The following ABCA9 variants were observed in gnomAD, a reference collection of about 807,000 sequenced individuals.
The protein encoded by ABCA9 is ATP-binding cassette sub-family A member 9.
A neutral mutation model predicts 205.3 loss-of-function variants in ABCA9; 183 were observed. That is an observed-to-expected ratio of 0.89 (90% CI 0.79 to 1.01). ABCA9 has a LOEUF of 1.01. Among genes scored for constraint, ABCA9 ranks in the 50% least tolerant of loss-of-function variants. ABCA9 has a pLI of 0.00. For missense variants in ABCA9, 1,805 were observed against 1,912.4 expected (o/e 0.94, Z 1.05); for synonymous variants, 651 against 683.3 (o/e 0.95, Z 0.74).
chr17:68,988,000 G>A (rs1422347359), intron 31 of ABCA9, among the ~76,000 whole-genome samples: 1 of 152,164 alleles, frequency 6.6e-6, no homozygotes, highest in African/African-American at 2.4e-5. Flanking sequence ...CTGACCTCAG[G>A]TGATCTGCCT....
At chr17:69,003,812 G>C (rs1424410931) in intron 25 of ABCA9, among the ~76,000 whole-genome samples, 8 of 152,048 alleles carry the variant, frequency 5.3e-5, no homozygotes, top group Middle Eastern at 3.4e-3. Flanking sequence ...AGGTTTTGCT[G>C]ATTTCTTTTT....
In ABCA9 at chr17:68,981,835, CAAAA is replaced by C. The variant is rs398041827; in HGVS notation, c.4720+723_4720+726del. On this transcript the variant is annotated intron_variant, in intron 37 of 38. Transcript: ENST00000340001. Reference sequence around the variant, plus strand: ...CTGGCGACAAAGGAAAACTCTTTCTCAAAAAAAAAAAAAAAAAAAAAAAAAGCTA... The same window carrying C: ...CTGGCGACAAAGGAAAACTCTTTCTCAAAAAAAAAAAAAAAAAAAAAGCTA... 4.4e-3 allele frequency among the ~76,000 whole-genome samples: 226 copies of C among 51,646 alleles called. 1 individual carries two copies. Among genetic ancestry groups the C allele is most frequent in the African/African-American group, 0.019 (211 of 11,190 alleles). 33.9% of individuals were successfully genotyped at this position (51,646 alleles called of 152,430 possible). A position where few individuals can be genotyped will look rare whatever the true frequency, so the allele number is the denominator to read the frequency against.
At chr17:68,981,551 G>A (rs1237482350) in intron 37 of ABCA9, among the ~76,000 whole-genome samples, 1 of 152,072 alleles carries the variant, frequency 6.6e-6, no homozygotes, top group Admixed American at 6.5e-5. Flanking sequence ...CACAGGGTGA[G>A]GTTGACCAAC....
At chr17:69,000,612 T>C (rs1304408210) in intron 25 of ABCA9, among the ~76,000 whole-genome samples, 17 of 147,038 alleles carry the variant, frequency 1.2e-4, no homozygotes, top group Admixed American at 6.7e-5. Context: ...TGATGTGGGC[T>C]CTTTTTTGGT....
At chr17:68,996,059 G>A (rs1305915994) in intron 25 of ABCA9, 45 bp from the exon 26 acceptor site, 1 of 1,572,650 alleles carries the variant, frequency 6.4e-7, no homozygotes, top group Non-Finnish European at 8.6e-7. Context: ...GTACCAATCT[G>A]AATTTTAGGA....
intron 25 of ABCA9, among the ~76,000 whole-genome samples, chr17:69,005,043 C>T (rs2070072704): frequency 6.6e-6 from 1 of 152,190 alleles, no homozygotes; most frequent in African/African-American, 2.4e-5. Context: ...GTGAGATGAA[C>T]CCGCTACCTC....
intron 37 of ABCA9, among the ~76,000 whole-genome samples, chr17:68,982,179 C>T (rs1374411214): frequency 6.6e-6 from 1 of 152,184 alleles, no homozygotes; most frequent in Non-Finnish European, 1.5e-5. Flanking sequence ...TAATCTACCG[C>T]TGAATGTACA....
At chr17:69,005,215 G>T (rs1321249962) in intron 25 of ABCA9, among the ~76,000 whole-genome samples, 1 of 152,170 alleles carries the variant, frequency 6.6e-6, no homozygotes, top group Non-Finnish European at 1.5e-5. Flanking sequence ...TACCTTTGAA[G>T]CCTGGAGGCC....
chr17:68,985,045 G>C lies in ABCA9; in HGVS notation c.4284+8C>G. On this transcript the variant is annotated splice_region_variant and intron_variant, in intron 33 of 38. Transcript: ENST00000340001. The stretch of plus-strand genomic sequence containing the variant: ...CACTTGCAGAGCAACAACAAGCCCT[G>C]CCCGTACCTTTCGCTTTATTCCCTC... 1 of 1,614,192 alleles carries C rather than the reference G, an allele frequency of 6.2e-7. No homozygotes were observed. The highest frequency in any genetic ancestry group is 8.5e-7 in the Non-Finnish European group (1 of 1,180,036).
intron 25 of ABCA9, among the ~76,000 whole-genome samples, chr17:68,998,686 T>A (rs916378658): frequency 2.0e-5 from 3 of 152,094 alleles, no homozygotes; most frequent in East Asian, 1.9e-4. Context: ...TGTATTTACA[T>A]CTTTTCTTAT....
chr17:68,995,117 T>A (rs1349331194), intron 26 of ABCA9, among the ~76,000 whole-genome samples: 1 of 152,170 alleles, frequency 6.6e-6, no homozygotes, highest in East Asian at 1.9e-4. Context: ...TAGCCAATGG[T>A]CTCTTTTCAG....
At chr17:69,070,719 A>G in the ABCA9 span, among the ~76,000 whole-genome samples, 1 of 152,144 alleles carries the variant, frequency 6.6e-6, no homozygotes, top group Non-Finnish European at 1.5e-5. Context: ...CCCCAGTGGC[A>G]CCTGGAACGC....
intron 26 of ABCA9, 125 bp downstream of exon 26, chr17:68,995,770 T>C: frequency 7.8e-7 from 1 of 1,284,980 alleles, no homozygotes; most frequent in African/African-American, 1.5e-5. Context: ...GAGAACTGAC[T>C]TTCCAAAGAC....
Position 69,051,091 on chromosome 17 carries a change from T to C in ABCA9, c.36A>G (p.Thr12=), listed in dbSNP as rs764518866. Residue 12 remains threonine, a synonymous_variant, in exon 2 of 39, where the codon ACA becomes ACG. Transcript: ENST00000340001. ...GACAGTTCTTGCAGAGAAGAGCCCA[T>C]GTTTGCTGACCCACGCTCATGCGTC... ...SKRRMSVGQQ[T]WALLCKNCLK... The C allele has an allele frequency of 6.2e-7, 1 of 1,613,760 alleles. No individual in the cohort carries two copies. The highest frequency in any genetic ancestry group is 1.1e-5 in the South Asian group (1 of 91,050).
intron 1 of ABCA9, 74 bp from the exon 2 acceptor site, chr17:69,051,213 AAG>A (rs1369122351): frequency 7.3e-7 from 1 of 1,366,896 alleles, no homozygotes; most frequent in African/African-American, 1.4e-5. Context: ...TCAAACATAA[AAG>A]AAACATTGTA....
intron 25 of ABCA9, among the ~76,000 whole-genome samples, chr17:69,006,702 TG>T (rs943022130): frequency 2.6e-5 from 4 of 152,162 alleles, no homozygotes; most frequent in African/African-American, 9.7e-5. Flanking sequence ...TTGATGTACC[TG>T]GTAGTTTTGG....
chr17:68,995,802 A>G, intron 26 of ABCA9, 93 bp downstream of exon 26: 1 of 1,473,258 alleles, frequency 6.8e-7, no homozygotes, highest in Non-Finnish European at 9.2e-7. Context: ...AACTTTGCAC[A>G]GCTGAGGACT....
intron 22 of ABCA9, among the ~76,000 whole-genome samples, chr17:69,013,942 G>GAACTC (rs1416353031): frequency 6.6e-6 from 1 of 152,164 alleles, no homozygotes; most frequent in Non-Finnish European, 1.5e-5. Flanking sequence ...GTCTACCTAT[G>GAACTC]AACTCAAGGT....
the ABCA9 span, among the ~76,000 whole-genome samples, chr17:69,067,913 G>A: frequency 1.3e-5 from 2 of 152,172 alleles, no homozygotes; most frequent in African/African-American, 4.8e-5. Context: ...TTTTGTTATA[G>A]TAGATGCTCA....
Sources: gnomAD v4.1 joint callset for allele counts (sites outside exome capture counted in the v4.1 genomes callset) on GRCh38, gnomAD v4.1.1 for gene constraint, MANE v1.5 for transcripts, NCBI Gene and HGNC (gene_info 2026-07-23, HGNC 2026-07-21) for gene names.